Variants in MARCHF6 observed in about 807,000 individuals in gnomAD.
The protein encoded by MARCHF6 is E3 ubiquitin-protein ligase MARCHF6.
MARCHF6 carries 31 observed loss-of-function variants against 133.7 expected under a neutral mutation model. The observed-to-expected ratio is 0.23, with a 90% CI of 0.17 to 0.31. The LOEUF (loss-of-function observed/expected upper bound fraction) is 0.31. Ranked by LOEUF, MARCHF6 falls within the 10% of genes least tolerant of loss-of-function variation. MARCHF6 has a pLI of 1.00. For missense variants in MARCHF6, 723 were observed against 1,121.6 expected (o/e 0.64, Z 5.08); for synonymous variants, 395 against 402.5 (o/e 0.98, Z 0.22).
chr5:10,425,632 G>T lies in MARCHF6; in HGVS notation c.2374-758G>T, dbSNP rs946136646. 2.6e-5 allele frequency among the ~76,000 whole-genome samples: 4 copies of T among 152,216 alleles called. 1 individual carries two copies. Among genetic ancestry groups the T allele is most frequent in the South Asian group, 4.1e-4 (2 of 4,824 alleles). ...GCATGTTTGCCATTCAAATTCCGAG[G>T]TGATGGGGTTGAGTTATGCTACATT... On this transcript the variant is annotated intron_variant, in intron 23 of 25. Transcript: ENST00000274140.
intron 19 of MARCHF6, 127 bp downstream of exon 19, chr5:10,411,664 C>A: frequency 1.6e-6 from 1 of 617,450 alleles, no homozygotes; most frequent in Non-Finnish European, 2.6e-6. Context: ...ATTTTATTAC[C>A]CTCATTATGT....
At chr5:10,358,245 G>A (rs556805953) in intron 1 of MARCHF6, among the ~76,000 whole-genome samples, 1 of 152,290 alleles carries the variant, frequency 6.6e-6, no homozygotes, top group East Asian at 1.9e-4. Flanking sequence ...CGGAGTAAAA[G>A]AGTTGGAGAA....
intron 19 of MARCHF6, 30 bp downstream of exon 19, chr5:10,411,567 A>T: frequency 6.4e-7 from 1 of 1,560,752 alleles, no homozygotes; most frequent in Non-Finnish European, 8.7e-7. Flanking sequence ...AATCACATAT[A>T]GAGGTTTTTT....
chr5:10,410,401 A>G (rs1739150257), intron 18 of MARCHF6, 125 bp downstream of exon 18: 1 of 1,137,376 alleles, frequency 8.8e-7, no homozygotes, highest in African/African-American at 1.6e-5. Context: ...ACAATTTAGT[A>G]ATATTTGCAA....
intron 22 of MARCHF6, among the ~76,000 whole-genome samples, chr5:10,422,918 G>GT (rs1455068846): frequency 1.5e-4 from 23 of 152,150 alleles, no homozygotes; most frequent in African/African-American, 5.5e-4. Flanking sequence ...AGGATTTAAG[G>GT]TAGTGATCAC....
chr5:10,373,852 A>T (rs1736608749), intron 1 of MARCHF6, among the ~76,000 whole-genome samples: 1 of 152,102 alleles, frequency 6.6e-6, no homozygotes, highest in Non-Finnish European at 1.5e-5. Context: ...GTTAATCCAC[A>T]GTATTGTTGT....
chr5:10,386,189 C>A (rs1453333138), intron 4 of MARCHF6, among the ~76,000 whole-genome samples: 1 of 152,118 alleles, frequency 6.6e-6, no homozygotes, highest in Non-Finnish European at 1.5e-5. Flanking sequence ...TACAGAAAAT[C>A]TTTTCCTACC....
chr5:10,410,119 A>C lies in MARCHF6; in HGVS notation c.1554-20A>C. 6.2e-7 allele frequency: 1 copy of C among 1,612,570 alleles called. No individual in the cohort carries two copies. The highest frequency in any genetic ancestry group is 8.5e-7 in the Non-Finnish European group (1 of 1,179,350). ...TCATATGCAAAATACAATTCACATT[A>C]TAAATCCTGCCTCTTTCAGTGATGC... On this transcript the variant is annotated intron_variant, in intron 17 of 25. Coordinates refer to ENST00000274140, the MANE Select transcript of MARCHF6 (RefSeq NM_005885.4).
At chr5:10,373,681 A>G (rs1180092334) in intron 1 of MARCHF6, among the ~76,000 whole-genome samples, 1 of 152,048 alleles carries the variant, frequency 6.6e-6, no homozygotes, top group Non-Finnish European at 1.5e-5. Flanking sequence ...CGGGTGGGAC[A>G]CCCTTTGTCA....
intron 22 of MARCHF6, among the ~76,000 whole-genome samples, chr5:10,422,907 C>G (rs1739899113): frequency 6.6e-6 from 1 of 151,552 alleles, no homozygotes. Context: ...GGGGAGGGAT[C>G]AGGATTTAAG....
At chr5:10,403,361 A>T (rs759706585) in intron 14 of MARCHF6, 46 bp from the exon 15 acceptor site, 1 of 1,568,896 alleles carries the variant, frequency 6.4e-7, no homozygotes, top group Non-Finnish European at 8.6e-7. Context: ...TAACTTGGCA[A>T]ATGTAGGGGG....
At chr5:10,395,021 G>A (rs539357447) in intron 9 of MARCHF6, among the ~76,000 whole-genome samples, 1 of 152,088 alleles carries the variant, frequency 6.6e-6, no homozygotes, top group Admixed American at 6.5e-5. Flanking sequence ...GGATGGTCTC[G>A]ATCTCCTGAC....
chr5:10,389,764 A>C (rs886569729), intron 5 of MARCHF6, among the ~76,000 whole-genome samples: 1 of 152,204 alleles, frequency 6.6e-6, no homozygotes, highest in Non-Finnish European at 1.5e-5. Context: ...CATACTGAAT[A>C]TCTCTCAACC....
At chr5:10,411,687 T>G (rs1040318660) in intron 19 of MARCHF6, 150 bp downstream of exon 19, 7 of 561,416 alleles carry the variant, frequency 1.2e-5, no homozygotes, top group African/African-American at 1.9e-5. Flanking sequence ...CGTAAATGAT[T>G]AGGTAAGTTT....
chr5:10,407,964 C>G lies in MARCHF6; in HGVS notation c.1553+762C>G, dbSNP rs1370473975. Among the ~76,000 whole-genome samples, 11 of 140,558 alleles carry G rather than the reference C, an allele frequency of 7.8e-5. No homozygotes were observed. The East Asian group carries it at 1.6e-3, about 20-fold the overall frequency. The allele number at this position is 140,558 out of a possible 152,430, so 92.2% of individuals were successfully genotyped here. ...AGAGTGAAACTGCATCCCCCCCCCCCCAAAAAAAAAAGCCATCCGGAAACC... is the reference window on the plus strand; with the variant it reads ...AGAGTGAAACTGCATCCCCCCCCCCGCAAAAAAAAAAGCCATCCGGAAACC... On this transcript the variant is annotated intron_variant, in intron 17 of 25. Transcript: ENST00000274140.
intron 19 of MARCHF6, among the ~76,000 whole-genome samples, chr5:10,412,742 A>C (rs1739302715): frequency 6.6e-6 from 1 of 152,100 alleles, no homozygotes; most frequent in South Asian, 2.1e-4. Flanking sequence ...CACCTGGCTA[A>C]TTTTTATATT....
chr5:10,402,003 C>A (rs561000989), intron 11 of MARCHF6, 56 bp from the exon 12 acceptor site: 1 of 983,198 alleles, frequency 1.0e-6, no homozygotes. Context: ...ATGGGAAAAC[C>A]GGGGTGTAGA....
At chr5:10,420,100 G>T (rs1739753564) in intron 22 of MARCHF6, among the ~76,000 whole-genome samples, 1 of 152,122 alleles carries the variant, frequency 6.6e-6, no homozygotes, top group East Asian at 1.9e-4. Flanking sequence ...GCTCCTATAT[G>T]TGCCTGGGCT....
intron 5 of MARCHF6, among the ~76,000 whole-genome samples, chr5:10,389,877 A>G (rs561928953): frequency 1.2e-4 from 18 of 152,358 alleles, no homozygotes; most frequent in African/African-American, 4.1e-4. Context: ...CAGCTAATCA[A>G]GTTTTTAAAC....
Sources: gnomAD v4.1 joint callset for allele counts (sites outside exome capture counted in the v4.1 genomes callset) on GRCh38, gnomAD v4.1.1 for gene constraint, MANE v1.5 for transcripts, NCBI Gene and HGNC (gene_info 2026-07-23, HGNC 2026-07-21) for gene names.